SHCBP1: variants seen among roughly 807,000 people sequenced by gnomAD.
The protein encoded by SHCBP1 is SHC SH2 domain-binding protein 1.
A neutral mutation model predicts 75.1 loss-of-function variants in SHCBP1; 60 were observed. The ratio of observed to expected loss-of-function variants is 0.80; its 90% confidence interval spans 0.65 to 0.99. The LOEUF is 0.99. Among genes scored for constraint, SHCBP1 ranks in the 50% least tolerant of loss-of-function variants. SHCBP1 has a pLI of 0.00. For synonymous variants in SHCBP1, 290 were observed against 293.2 expected, an observed-to-expected ratio of 0.99 and a Z score of 0.11; for missense variants, 709 against 809.4, an observed-to-expected ratio of 0.88 and a Z score of 1.50.
chr16:46,585,917 C>T lies in SHCBP1; in HGVS notation c.1465-1828G>A, dbSNP rs374136721. Among the ~76,000 whole-genome samples the T allele has an allele frequency of 2.4e-3, 364 of 152,282 alleles. 2 individuals are homozygous for T. The highest frequency in any genetic ancestry group is 7.3e-3 in the African/African-American group (304 of 41,564). On this transcript the variant is annotated intron_variant, in intron 10 of 12. Coordinates refer to ENST00000303383, the MANE Select transcript of SHCBP1 (RefSeq NM_024745.5). ...CCCACCCAACTTGGGTATCAATGAA[C>T]GCCAAGTGGGAACCATGACTTCTAC... is the stretch of plus-strand genomic sequence containing the variant.
chr16:46,591,422 C>G (rs1965046538), intron 10 of SHCBP1, among the ~76,000 whole-genome samples: 1 of 151,964 alleles, frequency 6.6e-6, no homozygotes, highest in African/African-American at 2.4e-5. Flanking sequence ...AAAAAATTAC[C>G]AGAGACAGAC....
At chr16:46,599,184 T>C (rs1192414291) in intron 9 of SHCBP1, among the ~76,000 whole-genome samples, 1 of 152,208 alleles carries the variant, frequency 6.6e-6, no homozygotes, top group African/African-American at 2.4e-5. Flanking sequence ...TTCCTTTACA[T>C]TCAAAACTTC....
In SHCBP1 at chr16:46,581,702, T is replaced by C; in HGVS notation, c.*27A>G. ...AGGGCAGCATGTGCAAAATCCAGTATTTTGCTATCTACTTACATCACTGTA... is the reference window on the plus strand; with the variant it reads ...AGGGCAGCATGTGCAAAATCCAGTACTTTGCTATCTACTTACATCACTGTA... On this transcript the variant is annotated 3_prime_UTR_variant, in exon 13 of 13. Transcript: ENST00000303383. The C allele has an allele frequency of 1.3e-6, 2 of 1,587,082 alleles. No homozygotes were observed. Among genetic ancestry groups the C allele is most frequent in the Non-Finnish European group, 1.7e-6 (2 of 1,163,152 alleles).
In SHCBP1 at chr16:46,615,944, A is replaced by G. The variant is rs1022528093; in HGVS notation, c.596+2T>C. 1 of 1,614,028 alleles carries G rather than the reference A, an allele frequency of 6.2e-7. No individual in the cohort carries two copies. Among genetic ancestry groups the G allele is most frequent in the Non-Finnish European group, 8.5e-7 (1 of 1,179,958 alleles). The stretch of plus-strand genomic sequence containing the variant: ...GTTATTTTTCTCAACTTCTTTTCCT[A>G]CCTGACATGCTCAATTGCAAGGGCT... On this transcript the variant is annotated splice_donor_variant, in intron 4 of 12. Transcript: ENST00000303383. LOFTEE classifies it high-confidence loss of function.
rs1204641185 is a variant in SHCBP1 at position 46,580,124 on chromosome 16, CA to C, written c.*1604del. Among the ~76,000 whole-genome samples the C allele has an allele frequency of 0.014, 1,188 of 87,190 alleles. 14 individuals carry two copies. The highest frequency in any genetic ancestry group is 0.041 in the African/African-American group (963 of 23,322). The allele number at this position is 87,190 out of a possible 152,430, so 57.2% of individuals were successfully genotyped here. A position where few individuals can be genotyped will look rare whatever the true frequency, so the allele number is the denominator to read the frequency against. On this transcript the variant is annotated 3_prime_UTR_variant, in exon 13 of 13. Coordinates refer to ENST00000303383, the MANE Select transcript of SHCBP1 (RefSeq NM_024745.5). ...TGGGTGACAGAGCAAGACTCCATCT[CA>C]AAAAAAAAAAAAAAGTGATTTTTTT... is the stretch of plus-strand genomic sequence containing the variant.
chr16:46,603,317 C>T (rs1226190139), intron 8 of SHCBP1, among the ~76,000 whole-genome samples: 2 of 152,180 alleles, frequency 1.3e-5, no homozygotes, highest in Admixed American at 1.3e-4. Context: ...AGCCTGTGAA[C>T]ATCTCCCCAA....
In SHCBP1 at chr16:46,583,998, C is replaced by T. The variant is rs1271061153; in HGVS notation, c.1551+5G>A. The T allele has an allele frequency of 3.1e-6, 5 of 1,602,006 alleles. No homozygotes were observed. The highest frequency in any genetic ancestry group is 4.3e-6 in the Non-Finnish European group (5 of 1,173,172). ...TGAAAAGTGGGTGTTTTGGCTGATG[C>T]TCACCTTAATGAGGATCCCTTCCTT... On this transcript the variant is annotated splice_donor_5th_base_variant and intron_variant, in intron 11 of 12. Coordinates refer to ENST00000303383, the MANE Select transcript of SHCBP1 (RefSeq NM_024745.5).
chr16:46,614,991 T>A (rs906970729), intron 4 of SHCBP1, among the ~76,000 whole-genome samples: 12 of 152,194 alleles, frequency 7.9e-5, no homozygotes, highest in Non-Finnish European at 1.8e-4. Flanking sequence ...CAGCATCTCC[T>A]GCCTCCCTTT....
intron 10 of SHCBP1, among the ~76,000 whole-genome samples, chr16:46,591,670 T>A (rs1024699834): frequency 6.6e-6 from 1 of 152,088 alleles, no homozygotes; most frequent in African/African-American, 2.4e-5. Flanking sequence ...TGACATTTTA[T>A]AGAATATACC....
intron 9 of SHCBP1, among the ~76,000 whole-genome samples, chr16:46,596,755 C>A (rs554933848): frequency 6.7e-6 from 1 of 148,412 alleles, no homozygotes; most frequent in Admixed American, 6.8e-5. Context: ...GGAGACGGAG[C>A]CTTGCTCTGT....
At chr16:46,604,631 G>A (rs1446577522) in intron 5 of SHCBP1, among the ~76,000 whole-genome samples, 170 bp from the exon 6 acceptor site, 1 of 152,152 alleles carries the variant, frequency 6.6e-6, no homozygotes, top group Non-Finnish European at 1.5e-5. Context: ...ATAAGTGGAA[G>A]CTGTTGAAAA....
intron 10 of SHCBP1, among the ~76,000 whole-genome samples, chr16:46,584,572 ACCC>A (rs766314132): frequency 6.6e-6 from 1 of 152,152 alleles, no homozygotes; most frequent in Admixed American, 6.6e-5. Context: ...GTTTTAAAAT[ACCC>A]CAACCCAACT....
chr16:46,603,792 G>C, intron 7 of SHCBP1, 133 bp from the exon 8 acceptor site: 2 of 1,331,844 alleles, frequency 1.5e-6, no homozygotes, highest in Non-Finnish European at 2.1e-6. Flanking sequence ...TCCTTTGATA[G>C]CGCACTGACC....
chr16:46,614,009 AT>A (rs769589439), intron 4 of SHCBP1, among the ~76,000 whole-genome samples: 1 of 152,202 alleles, frequency 6.6e-6, no homozygotes, highest in Admixed American at 6.5e-5. Flanking sequence ...GCCCATAGAG[AT>A]TAGCTCCCTG....
At chr16:46,584,602 G>A (rs1018695342) in intron 10 of SHCBP1, among the ~76,000 whole-genome samples, 7 of 152,070 alleles carry the variant, frequency 4.6e-5, no homozygotes, top group African/African-American at 1.7e-4. Context: ...TCATTTCTAT[G>A]AGTCCAACAA....
chr16:46,609,005 A>G (rs1965366599), intron 4 of SHCBP1, among the ~76,000 whole-genome samples: 1 of 152,182 alleles, frequency 6.6e-6, no homozygotes, highest in South Asian at 2.1e-4. Context: ...CAGGTTTGGG[A>G]TTGAAAATAA....
chr16:46,587,285 A>T (rs997412326), intron 10 of SHCBP1, among the ~76,000 whole-genome samples: 6 of 152,160 alleles, frequency 3.9e-5, no homozygotes, highest in Non-Finnish European at 5.9e-5. Flanking sequence ...CCACTAAAAA[A>T]GTTATATGAA....
chr16:46,591,350 C>T (rs891150858), intron 10 of SHCBP1, among the ~76,000 whole-genome samples: 1 of 151,672 alleles, frequency 6.6e-6, no homozygotes, highest in Non-Finnish European at 1.5e-5. Flanking sequence ...ATCATGCAAA[C>T]AATAATCAAA....
At chr16:46,605,095 A>G (rs1005677642) in intron 5 of SHCBP1, among the ~76,000 whole-genome samples, 14 of 152,072 alleles carry the variant, frequency 9.2e-5, no homozygotes, top group African/African-American at 1.7e-4. Context: ...TCCGAGGGGG[A>G]AAAAAAGGTG....
Sources: gnomAD v4.1 joint callset for allele counts (sites outside exome capture counted in the v4.1 genomes callset) on GRCh38, gnomAD v4.1.1 for gene constraint, MANE v1.5 for transcripts, NCBI Gene and HGNC (gene_info 2026-07-23, HGNC 2026-07-21) for gene names.